Variants in CADPS2 observed in about 807,000 individuals in gnomAD.
The protein encoded by CADPS2 is calcium-dependent secretion activator 2.
Under a neutral mutation model 172.5 loss-of-function variants are expected in CADPS2, and 93 were observed. That is an observed-to-expected ratio of 0.54 (90% CI 0.46 to 0.64). The LOEUF (loss-of-function observed/expected upper bound fraction) is 0.64. CADPS2 is among the 30% of genes least tolerant of loss of function. The pLI, the probability that CADPS2 is intolerant of heterozygous loss-of-function variation, is 0.00. For missense variants in CADPS2, 1,420 were observed against 1,565.9 expected, an observed-to-expected ratio of 0.91 and a Z score of 1.57; for synonymous variants, 546 against 555.2, an observed-to-expected ratio of 0.98 and a Z score of 0.23.
chr7:122,855,779 T>A (rs538714333), intron 1 of CADPS2, among the ~76,000 whole-genome samples: 2 of 152,210 alleles, frequency 1.3e-5, no homozygotes, highest in African/African-American at 4.8e-5. Context: ...TATTTTCCAT[T>A]GCAGAAGTCT....
intron 8 of CADPS2, among the ~76,000 whole-genome samples, chr7:122,554,104 T>C (rs1369998128): frequency 6.6e-6 from 1 of 152,142 alleles, no homozygotes; most frequent in Non-Finnish European, 1.5e-5. Flanking sequence ...TCAACACTCA[T>C]ATCCCTCTTG....
intron 2 of CADPS2, chr7:122,698,985 A>C: frequency 8.6e-7 from 1 of 1,157,382 alleles, no homozygotes; most frequent in Non-Finnish European, 1.2e-6. Flanking sequence ...ATTAATTTAA[A>C]ATAACGAAGA....
At chr7:122,848,791 A>G (rs1048317164) in intron 1 of CADPS2, among the ~76,000 whole-genome samples, 4 of 152,190 alleles carry the variant, frequency 2.6e-5, no homozygotes, top group African/African-American at 9.7e-5. Flanking sequence ...CAGACACCTA[A>G]GTAACCGGCA....
At chr7:122,442,929 G>A (rs1164857961) in intron 15 of CADPS2, among the ~76,000 whole-genome samples, 1 of 152,096 alleles carries the variant, frequency 6.6e-6, no homozygotes, top group Non-Finnish European at 1.5e-5. Flanking sequence ...TTTCTTCTGT[G>A]CAGTGGTGCT....
At chr7:122,839,006 T>C (rs1809500590) in intron 1 of CADPS2, among the ~76,000 whole-genome samples, 1 of 152,180 alleles carries the variant, frequency 6.6e-6, no homozygotes, top group Non-Finnish European at 1.5e-5. Context: ...GCTGGAGGCA[T>C]CATGCTACCT....
intron 1 of CADPS2, among the ~76,000 whole-genome samples, chr7:122,859,292 T>C (rs944110616): frequency 6.6e-6 from 1 of 152,232 alleles, no homozygotes; most frequent in Admixed American, 6.5e-5. Context: ...TTGAAAAGAA[T>C]TGGATAATTA....
intron 19 of CADPS2, among the ~76,000 whole-genome samples, chr7:122,410,013 A>G (rs1450919479): frequency 6.6e-6 from 1 of 152,226 alleles, no homozygotes; most frequent in African/African-American, 2.4e-5. Context: ...AGAGGGAAAT[A>G]TAAAACAAAC....
chr7:122,658,146 T>C (rs1166959841), intron 3 of CADPS2, among the ~76,000 whole-genome samples: 1 of 152,120 alleles, frequency 6.6e-6, no homozygotes, highest in Admixed American at 6.6e-5. Context: ...AAAATGCTCA[T>C]CATCACTGGC....
chr7:122,689,853 C>T (rs1303761728), intron 2 of CADPS2, among the ~76,000 whole-genome samples: 8 of 152,182 alleles, frequency 5.3e-5, no homozygotes, highest in Admixed American at 5.2e-4. Context: ...GCAATGGGGG[C>T]ACCACGTGTT....
In CADPS2 at chr7:122,557,754, C is replaced by A. The variant is rs188626881; in HGVS notation, c.1336-3065G>T. Among the ~76,000 whole-genome samples, 3 of 152,182 alleles carry A rather than the reference C, an allele frequency of 2.0e-5. No homozygotes were observed. The East Asian group carries it at 5.8e-4, about 29-fold the overall frequency. The stretch of plus-strand genomic sequence containing the variant: ...GGCCACAAGGGTGAACTATGGCACA[C>A]CGGCTGGCTATTTGCCACGATTCAT... On this transcript the variant is annotated intron_variant, in intron 7 of 29. Transcript: ENST00000449022.
chr7:122,725,512 C>T (rs202089315), intron 2 of CADPS2, among the ~76,000 whole-genome samples: 33 of 151,546 alleles, frequency 2.2e-4, no homozygotes, highest in East Asian at 1.4e-3. Context: ...ATAGTGTACA[C>T]GTACCCAATA....
At chr7:122,572,225 A>G (rs535814780) in intron 7 of CADPS2, among the ~76,000 whole-genome samples, 1 of 152,252 alleles carries the variant, frequency 6.6e-6, no homozygotes, top group Non-Finnish European at 1.5e-5. Context: ...TTTGCATCCT[A>G]TGTATGTCTA....
chr7:122,343,702 A>T (rs1345851548), intron 28 of CADPS2, among the ~76,000 whole-genome samples: 1 of 152,236 alleles, frequency 6.6e-6, no homozygotes, highest in Non-Finnish European at 1.5e-5. Context: ...AACATAGAAG[A>T]CGTGCTTTAG....
At chr7:122,467,129 CA>C (rs1177175878) in intron 14 of CADPS2, among the ~76,000 whole-genome samples, 2 of 152,196 alleles carry the variant, frequency 1.3e-5, no homozygotes, top group African/African-American at 4.8e-5. Flanking sequence ...TGCCTTTGCA[CA>C]TTTAGCACAT....
chr7:122,793,606 T>C (rs1227550861), intron 1 of CADPS2, among the ~76,000 whole-genome samples: 1 of 152,176 alleles, frequency 6.6e-6, no homozygotes, highest in Non-Finnish European at 1.5e-5. Context: ...GTCTTTTAAT[T>C]GGGACATTTA....
At chr7:122,809,862 G>A (rs549505019) in intron 1 of CADPS2, among the ~76,000 whole-genome samples, 8 of 152,160 alleles carry the variant, frequency 5.3e-5, no homozygotes, top group South Asian at 4.1e-4. Flanking sequence ...AGATTCTCTC[G>A]TCTTTCCACG....
chr7:122,362,931 GA>G (rs2040370067), intron 25 of CADPS2, among the ~76,000 whole-genome samples: 2 of 152,162 alleles, frequency 1.3e-5, no homozygotes, highest in African/African-American at 2.4e-5. Flanking sequence ...TAAGAACACA[GA>G]AACAAAACCA....
intron 2 of CADPS2, among the ~76,000 whole-genome samples, chr7:122,671,530 A>G (rs1407055018): frequency 6.6e-6 from 1 of 151,992 alleles, no homozygotes; most frequent in Non-Finnish European, 1.5e-5. Context: ...TGAACCATGC[A>G]CTCCAGCCTG....
At chr7:122,386,275 G>GAA in intron 24 of CADPS2, 12 of 1,364,532 alleles carry the variant, frequency 8.8e-6, no homozygotes, top group Admixed American at 2.8e-5. Flanking sequence ...TGTGCTTTTA[G>GAA]AAAAAAAAAT....
Sources: gnomAD v4.1 joint callset for allele counts (sites outside exome capture counted in the v4.1 genomes callset) on GRCh38, gnomAD v4.1.1 for gene constraint, MANE v1.5 for transcripts, NCBI Gene and HGNC (gene_info 2026-07-23, HGNC 2026-07-21) for gene names.